SYNJ2: variants seen among roughly 807,000 people sequenced by gnomAD.
The protein encoded by SYNJ2 is synaptojanin 2, also known as polyphosphatidylinositol phosphatase SYNJ2.
In SYNJ2, 116 loss-of-function variants were observed where a neutral mutation model predicts 141.3. The ratio of observed to expected loss-of-function variants is 0.82; its 90% confidence interval spans 0.71 to 0.96. The LOEUF (loss-of-function observed/expected upper bound fraction) is 0.96. Among genes scored for constraint, SYNJ2 ranks in the 40% least tolerant of loss-of-function variants. The pLI is 0.00. For synonymous variants in SYNJ2, 745 were observed against 777.7 expected (o/e 0.96, Z 0.70); for missense variants, 1,873 against 1,934.8 (o/e 0.97, Z 0.60).
At chr6:158,072,353 G>C (rs770047569) in intron 15 of SYNJ2, among the ~76,000 whole-genome samples, 3 of 152,208 alleles carry the variant, frequency 2.0e-5, no homozygotes, top group Non-Finnish European at 4.4e-5. Context: ...GCGGTCCGGA[G>C]GGTTTCATTC....
In SYNJ2 at chr6:158,093,029, G is replaced by A. The variant is rs550270511; in HGVS notation, c.3669G>A (p.Ala1223=). 1.6e-5 allele frequency: 26 copies of A among 1,611,654 alleles called. No homozygotes were observed. The highest frequency in any genetic ancestry group is 1.6e-4 in the Middle Eastern group (1 of 6,074). Residue 1223 remains alanine (A), a synonymous_variant, in exon 26 of 27, where the codon GCG becomes GCA. Coordinates refer to ENST00000355585, the MANE Select transcript of SYNJ2 (RefSeq NM_003898.4). The part of the protein sequence containing the change: ...PGAAKPETPQ[A]PPLLPRRPPP... ...CAGCCAAACCAGAGACCCCACAGGC[G>A]CCCCCACTCCTTCCCCGTCGGCCCC...
chr6:158,082,487 C>CA (rs769884420), intron 20 of SYNJ2, among the ~76,000 whole-genome samples: 607 of 74,978 alleles, frequency 8.1e-3, no homozygotes, highest in East Asian at 0.014. Context: ...ACTCTGTCTC[C>CA]AAAAAAAAAA....
intron 18 of SYNJ2, among the ~76,000 whole-genome samples, chr6:158,080,649 ACT>A (rs1249175451): frequency 1.3e-5 from 2 of 152,068 alleles, no homozygotes; most frequent in African/African-American, 4.8e-5. Context: ...CAATTTTGGA[ACT>A]CTATGTAAAG....
chr6:158,032,393 C>T (rs1318674353), intron 3 of SYNJ2, among the ~76,000 whole-genome samples: 2 of 152,234 alleles, frequency 1.3e-5, no homozygotes, highest in Non-Finnish European at 2.9e-5. Flanking sequence ...GATCTAGATT[C>T]ACTCAGTGCC....
intron 4 of SYNJ2, among the ~76,000 whole-genome samples, chr6:158,034,198 G>T (rs1474660647): frequency 6.6e-6 from 1 of 152,166 alleles, no homozygotes; most frequent in African/African-American, 2.4e-5. Context: ...ATAGCCATCT[G>T]CTTAATTTCT....
chr6:158,077,432 GC>G (rs920321541), intron 17 of SYNJ2, among the ~76,000 whole-genome samples: 3 of 151,332 alleles, frequency 2.0e-5, no homozygotes, highest in African/African-American at 7.3e-5. Flanking sequence ...CTCCCTCCCT[GC>G]CCCCCATGCT....
At chr6:158,045,222 C>G (rs953224606) in intron 5 of SYNJ2, among the ~76,000 whole-genome samples, 1 of 151,750 alleles carries the variant, frequency 6.6e-6, no homozygotes, top group African/African-American at 2.4e-5. Flanking sequence ...GTTCCCCTGC[C>G]TCAGCCTCCA....
At chr6:158,011,433 C>T (rs1479878612) in intron 1 of SYNJ2, among the ~76,000 whole-genome samples, 1 of 152,142 alleles carries the variant, frequency 6.6e-6, no homozygotes, top group Non-Finnish European at 1.5e-5. Flanking sequence ...TCCTGTCCAC[C>T]ATGGTCAAGG....
intron 5 of SYNJ2, among the ~76,000 whole-genome samples, chr6:158,047,986 G>A (rs776387050): frequency 1.1e-4 from 16 of 152,088 alleles, no homozygotes; most frequent in Non-Finnish European, 8.8e-5. Context: ...GACACCGTGA[G>A]ATGTAGTAAC....
At chr6:158,081,717 G>C (rs1012583526) in intron 20 of SYNJ2, among the ~76,000 whole-genome samples, 6 of 139,448 alleles carry the variant, frequency 4.3e-5, no homozygotes, top group African/African-American at 1.6e-4. Context: ...GAACTGCCAG[G>C]CTTAAGCAAT....
intron 4 of SYNJ2, among the ~76,000 whole-genome samples, chr6:158,036,260 G>A (rs765246375): frequency 5.9e-5 from 9 of 152,206 alleles, no homozygotes; most frequent in East Asian, 3.8e-4. Flanking sequence ...AAAAAGGAAC[G>A]CTCATACGCT....
At chr6:158,046,711 G>A (rs1780254502) in intron 5 of SYNJ2, among the ~76,000 whole-genome samples, 1 of 152,194 alleles carries the variant, frequency 6.6e-6, no homozygotes, top group Non-Finnish European at 1.5e-5. Flanking sequence ...TCCATTTCTA[G>A]CAGCCGTGTA....
At chr6:158,081,797 A>T (rs2477805) in intron 20 of SYNJ2, among the ~76,000 whole-genome samples, 80,632 of 150,072 alleles carry the variant, frequency 0.54, 22,068 homozygotes, top group African/African-American at 0.64. Context: ...AATTTTTTTT[A>T]AATTTTGTAG....
At chr6:158,000,064 C>CTTTTTTTTTTTTTTTTTTTTTTTTT (rs58284240) in intron 1 of SYNJ2, among the ~76,000 whole-genome samples, 1 of 85,572 alleles carries the variant, frequency 1.2e-5, no homozygotes, top group Non-Finnish European at 2.4e-5. Context: ...AGCCAAAAGG[C>CTTTTTTTTTTTTTTTTTTTTTTTTT]TTTTTTTTTT....
At position 158,088,747 on chromosome 6, in the gene SYNJ2, T is replaced by C. The variant is rs187927856; in HGVS notation, c.3431T>C (p.Leu1144Pro). 1.5e-5 allele frequency: 24 copies of C among 1,613,994 alleles called. No individual in the cohort carries two copies. The East Asian group carries it at 4.2e-4, about 28-fold the overall frequency. Residue 1144 changes from leucine to proline, a missense_variant, in exon 24 of 27, where the codon CTT becomes CCT. By Grantham distance (98) the Leu-to-Pro change is moderately conservative. Transcript: ENST00000355585. ...TATTCAATTTTGCAGACGGCAAGAC[T>C]TCTACCAGGAGCACCTCAGCAACCT... ...GQYSILQTAR[L>P]LPGAPQQPPK...
In SYNJ2 at chr6:158,041,696, C is replaced by T. The variant is rs553968316; in HGVS notation, c.712-1620C>T. Among the ~76,000 whole-genome samples the T allele has an allele frequency of 8.1e-4, 124 of 152,266 alleles. 3 individuals are homozygous for T. The South Asian group carries it at 0.017, about 21-fold the overall frequency. Reference sequence around the variant, plus strand: ...GAGACATTCCTCAGCCTAAATAGATCGTGGGCATTGGTTTTTGTTGTTGTT... The same window carrying T: ...GAGACATTCCTCAGCCTAAATAGATTGTGGGCATTGGTTTTTGTTGTTGTT... On this transcript the variant is annotated intron_variant, in intron 4 of 26. Transcript: ENST00000355585.
chr6:158,049,139 A>G (rs1481834937), intron 5 of SYNJ2, among the ~76,000 whole-genome samples: 1 of 152,158 alleles, frequency 6.6e-6, no homozygotes, highest in South Asian at 2.1e-4. Flanking sequence ...GACCCCGACT[A>G]TCCTCATGGC....
At chr6:158,039,939 C>T (rs1011853222) in intron 4 of SYNJ2, among the ~76,000 whole-genome samples, 4 of 152,164 alleles carry the variant, frequency 2.6e-5, no homozygotes, top group Admixed American at 6.5e-5. Flanking sequence ...GTGGAGCGTG[C>T]ACACAGGCGG....
chr6:158,090,530 G>GTTTTTTTTTTTCTT (rs760329460), intron 25 of SYNJ2, among the ~76,000 whole-genome samples: 1 of 114,698 alleles, frequency 8.7e-6, no homozygotes, highest in Non-Finnish European at 1.9e-5. Flanking sequence ...CCTTTTCTTC[G>GTTTTTTTTTTTCTT]TTTTTTTTTT....
Sources: gnomAD v4.1 joint callset for allele counts (sites outside exome capture counted in the v4.1 genomes callset) on GRCh38, gnomAD v4.1.1 for gene constraint, MANE v1.5 for transcripts, NCBI Gene and HGNC (gene_info 2026-07-23, HGNC 2026-07-21) for gene names.